GRM7: variants seen among roughly 807,000 people sequenced by gnomAD.
GRM7 encodes metabotropic glutamate receptor 7.
GRM7 carries 35 observed loss-of-function variants against 84.5 expected under a neutral mutation model. The ratio of observed to expected loss-of-function variants is 0.41; its 90% confidence interval spans 0.32 to 0.55. The LOEUF is 0.55. Among genes scored for constraint, GRM7 ranks in the 20% least tolerant of loss-of-function variants. The pLI is 0.19. For missense variants in GRM7, 1,003 were observed against 1,194.6 expected, an observed-to-expected ratio of 0.84 and a Z score of 2.36; for synonymous variants, 487 against 455.1, an observed-to-expected ratio of 1.07 and a Z score of -0.89.
At chr3:6,920,761 A>G (rs41322153) in intron 1 of GRM7, among the ~76,000 whole-genome samples, 3,005 of 152,046 alleles carry the variant, frequency 0.02, 125 homozygotes, top group East Asian at 0.19. Context: ...CCTGGGTTTG[A>G]CTGAGTTGTA....
intron 4 of GRM7, among the ~76,000 whole-genome samples, chr3:7,389,313 A>G (rs1459429773): frequency 6.6e-6 from 1 of 152,074 alleles, no homozygotes; most frequent in Non-Finnish European, 1.5e-5. Flanking sequence ...AAATATTAGA[A>G]TATGTTTTAT....
intron 3 of GRM7, among the ~76,000 whole-genome samples, chr3:7,300,279 T>C (rs1699953030): frequency 1.3e-5 from 2 of 152,212 alleles, no homozygotes; most frequent in African/African-American, 2.4e-5. Flanking sequence ...ACCACCAGCG[T>C]CTCAAACCTG....
At chr3:7,012,191 G>A (rs547318259) in intron 1 of GRM7, among the ~76,000 whole-genome samples, 1 of 152,230 alleles carries the variant, frequency 6.6e-6, no homozygotes, top group Non-Finnish European at 1.5e-5. Flanking sequence ...AGTGACGCCA[G>A]CCAAGTAAAG....
At chr3:7,088,610 G>C (rs1023828452) in intron 1 of GRM7, among the ~76,000 whole-genome samples, 5 of 148,638 alleles carry the variant, frequency 3.4e-5, no homozygotes, top group African/African-American at 1.3e-4. Flanking sequence ...AACAAACATG[G>C]ATCGTTGAAT....
At chr3:7,700,462 G>A (rs1238006153) in intron 9 of GRM7, among the ~76,000 whole-genome samples, 4 of 152,134 alleles carry the variant, frequency 2.6e-5, no homozygotes, top group East Asian at 1.9e-4. Flanking sequence ...AGTCTAGATC[G>A]GTCATTCTGC....
At chr3:7,196,170 A>G (rs1695872373) in intron 2 of GRM7, among the ~76,000 whole-genome samples, 1 of 152,030 alleles carries the variant, frequency 6.6e-6, no homozygotes, top group South Asian at 2.1e-4. Flanking sequence ...GTTGCAGTTC[A>G]AATCTGGAAG....
At chr3:7,166,704 A>G (rs1694811083) in intron 2 of GRM7, among the ~76,000 whole-genome samples, 1 of 152,326 alleles carries the variant, frequency 6.6e-6, no homozygotes. Context: ...GCTGCTTATT[A>G]ACGAACAGAT....
intron 7 of GRM7, among the ~76,000 whole-genome samples, chr3:7,501,136 A>T (rs1448483842): frequency 6.6e-6 from 1 of 152,216 alleles, no homozygotes; most frequent in East Asian, 1.9e-4. Context: ...ATAATGCCAG[A>T]TACTGTCTAA....
chr3:7,162,466 T>G (rs983194274), intron 2 of GRM7, among the ~76,000 whole-genome samples: 1 of 152,138 alleles, frequency 6.6e-6, no homozygotes, highest in Non-Finnish European at 1.5e-5. Context: ...TGAGAACTAA[T>G]TATTGAGCTT....
intron 1 of GRM7, among the ~76,000 whole-genome samples, chr3:7,039,565 A>G (rs955128212): frequency 6.6e-6 from 1 of 152,206 alleles, no homozygotes; most frequent in African/African-American, 2.4e-5. Context: ...CAGTGTATCA[A>G]ATGCATGTTA....
chr3:6,903,005 C>T (rs551525582), intron 1 of GRM7, among the ~76,000 whole-genome samples: 2 of 152,184 alleles, frequency 1.3e-5, no homozygotes, highest in African/African-American at 4.8e-5. Context: ...CAGCCTCTAT[C>T]TTAAAAGCTG....
chr3:6,861,150 G>T lies in GRM7; in HGVS notation c.-239G>T. The T allele has an allele frequency of 2.3e-6, 1 of 426,960 alleles. No homozygotes were observed. Among genetic ancestry groups the T allele is most frequent in the Middle Eastern group, 5.9e-4 (1 of 1,682 alleles). 26.4% of individuals were successfully genotyped at this position (426,960 alleles called of 1,614,324 possible). A position where few individuals can be genotyped will look rare whatever the true frequency, so the allele number is the denominator to read the frequency against. On this transcript the variant is annotated 5_prime_UTR_variant, in exon 1 of 10. Coordinates refer to ENST00000357716, the MANE Select transcript of GRM7 (RefSeq NM_000844.4). This position sits in a 1 kb window ranked among gnomAD's most constrained non-coding sequence, Gnocchi z 6.4. ...TGTTGGAGAGAGCGAGCAGCAAGCC[G>T]GTGAGCGCGAGCGCGGCGCGCCGGC...
intron 2 of GRM7, among the ~76,000 whole-genome samples, chr3:7,234,599 C>T (rs1168578246): frequency 1.3e-5 from 2 of 152,078 alleles, no homozygotes; most frequent in African/African-American, 4.8e-5. Flanking sequence ...AGAAGTGGTT[C>T]TAGAGATCAT....
chr3:7,130,410 G>T lies in GRM7; in HGVS notation c.520-16042G>T, dbSNP rs1249422527. On this transcript the variant is annotated intron_variant, in intron 1 of 9. Transcript: ENST00000357716. ...TACAGAAAATTAGCCAGGTGTGGTGGCAGGCACCTGTAATCCCAGGTACTT... is the reference window on the plus strand; with the variant it reads ...TACAGAAAATTAGCCAGGTGTGGTGTCAGGCACCTGTAATCCCAGGTACTT... 3.9e-5 allele frequency among the ~76,000 whole-genome samples: 6 copies of T among 152,116 alleles called. No homozygotes were observed. The South Asian group carries it at 8.3e-4, about 21-fold the overall frequency.
At chr3:7,627,490 G>A (rs1299352743) in intron 8 of GRM7, among the ~76,000 whole-genome samples, 1 of 152,120 alleles carries the variant, frequency 6.6e-6, no homozygotes, top group African/African-American at 2.4e-5. Flanking sequence ...TTCCTTTGTA[G>A]GTGCAGAAAG....
chr3:7,617,235 G>A (rs185181526), intron 8 of GRM7, among the ~76,000 whole-genome samples: 43 of 152,166 alleles, frequency 2.8e-4, no homozygotes, highest in Middle Eastern at 3.4e-3. Context: ...ATAGGTTAAC[G>A]GGACAGAATA....
chr3:7,147,842 TA>T (rs961746499), intron 2 of GRM7, among the ~76,000 whole-genome samples: 148 of 152,338 alleles, frequency 9.7e-4, no homozygotes, highest in African/African-American at 3.4e-3. Context: ...AGTCTCGCTC[TA>T]ACCACTATTT....
rs929439806 is a variant in GRM7 at position 7,298,243 on chromosome 3, A to G, written c.737-441A>G. 3.9e-5 allele frequency among the ~76,000 whole-genome samples: 6 copies of G among 152,172 alleles called. No homozygotes were observed. The East Asian group carries it at 1.2e-3, about 29-fold the overall frequency. On this transcript the variant is annotated intron_variant, in intron 2 of 9. Coordinates refer to ENST00000357716, the MANE Select transcript of GRM7 (RefSeq NM_000844.4). ...AAAAATAGAGATGGGTATAAAGGGA[A>G]AAAATTCTGGGAATGCAAACGCCAC... is the stretch of plus-strand genomic sequence containing the variant.
At chr3:7,022,366 T>TGCACACACACAC (rs1491404415) in intron 1 of GRM7, among the ~76,000 whole-genome samples, 26 of 46,310 alleles carry the variant, frequency 5.6e-4, no homozygotes, top group Admixed American at 5.2e-3. Flanking sequence ...TACACACACA[T>TGCACACACACAC]GCACACACAC....
Sources: allele counts gnomAD v4.1 joint callset (sites outside exome capture counted in the v4.1 genomes callset), GRCh38; gene constraint gnomAD v4.1.1; non-coding constraint Gnocchi (gnomAD v3.1); transcripts MANE v1.5; gene names NCBI Gene and HGNC (gene_info 2026-07-23, HGNC 2026-07-21).